NBEA: variants seen among roughly 807,000 people sequenced by gnomAD.
NBEA encodes the protein neurobeachin.
Under a neutral mutation model 343.4 loss-of-function variants are expected in NBEA, and 44 were observed. That is an observed-to-expected ratio of 0.13 (90% CI 0.10 to 0.16). NBEA has a LOEUF of 0.16. Among genes scored for constraint, NBEA ranks in the 10% least tolerant of loss-of-function variants. The pLI is 1.00. For synonymous variants in NBEA, 1,175 were observed against 1,238.7 expected (o/e 0.95, Z 1.08); for missense variants, 2,555 against 3,631.3 (o/e 0.70, Z 7.62).
At chr13:35,158,241 C>T (rs2069313395) in intron 21 of NBEA, among the ~76,000 whole-genome samples, 1 of 151,942 alleles carries the variant, frequency 6.6e-6, no homozygotes, top group African/African-American at 2.4e-5. Context: ...ATGGTCCCCC[C>T]AATCTAAAAT....
chr13:35,354,670 A>G lies in NBEA; in HGVS notation c.6179+2347A>G, dbSNP rs144638506. On this transcript the variant is annotated intron_variant, in intron 38 of 58. Transcript: ENST00000379939. Reference sequence around the variant, plus strand: ...GTCACTGAACTCTAAACCTTTAAGCATAGGTTTTGTTCTGTTTAATTCTCC... The same window carrying G: ...GTCACTGAACTCTAAACCTTTAAGCGTAGGTTTTGTTCTGTTTAATTCTCC... Among the ~76,000 whole-genome samples, 45 of 152,214 alleles carry G rather than the reference A, an allele frequency of 3.0e-4. No individual in the cohort carries two copies. The East Asian group carries it at 7.9e-3, about 27-fold the overall frequency.
intron 35 of NBEA, among the ~76,000 whole-genome samples, chr13:35,291,301 G>A (rs1025688475): frequency 6.6e-6 from 1 of 151,846 alleles, no homozygotes; most frequent in Non-Finnish European, 1.5e-5. Flanking sequence ...TTTGCCTAAA[G>A]CCACAGCTAA....
chr13:35,101,173 A>G (rs2065629240), intron 11 of NBEA, among the ~76,000 whole-genome samples: 1 of 152,012 alleles, frequency 6.6e-6, no homozygotes, highest in Non-Finnish European at 1.5e-5. Flanking sequence ...TTCATGTGCT[A>G]GGTTATATGT....
chr13:35,393,712 A>G (rs909089776), intron 38 of NBEA, among the ~76,000 whole-genome samples: 2 of 152,272 alleles, frequency 1.3e-5, no homozygotes, highest in South Asian at 4.1e-4. Context: ...CTAAAACACT[A>G]AGACAATTAG....
chr13:35,039,430 C>A (rs1301129104), intron 1 of NBEA, among the ~76,000 whole-genome samples: 1 of 152,094 alleles, frequency 6.6e-6, no homozygotes, highest in East Asian at 1.9e-4. Flanking sequence ...GTGGAGTTTT[C>A]TGTTCTGCCA....
intron 36 of NBEA, among the ~76,000 whole-genome samples, chr13:35,338,082 T>G (rs376558574): frequency 1.3e-5 from 2 of 151,760 alleles, no homozygotes; most frequent in South Asian, 4.1e-4. Context: ...AGCAAATTAT[T>G]TCCAAAACAG....
intron 36 of NBEA, among the ~76,000 whole-genome samples, chr13:35,323,480 C>T (rs1013091526): frequency 1.3e-5 from 2 of 149,732 alleles, no homozygotes; most frequent in African/African-American, 4.9e-5. Flanking sequence ...AAACCAAACA[C>T]CACATATTCT....
chr13:35,416,155 A>G (rs2043893831), intron 38 of NBEA, among the ~76,000 whole-genome samples: 1 of 152,180 alleles, frequency 6.6e-6, no homozygotes, highest in South Asian at 2.1e-4. Context: ...GGGGTTTTCT[A>G]AATATACAAT....
At position 35,670,993 on chromosome 13, in the gene NBEA, G is replaced by A. The variant is rs377063572; in HGVS notation, c.*2G>A. ...TATGAGCATCAGAACAGATACTGAA[G>A]ATAAAGGAAGAACCAAAAGCCAAGT... On this transcript the variant is annotated 3_prime_UTR_variant, in exon 59 of 59. Transcript: ENST00000379939. 7.0e-6 allele frequency: 11 copies of A among 1,562,736 alleles called. No individual in the cohort carries two copies. In the African/African-American group the frequency reaches 1.4e-4, roughly 19 times the overall value.
At chr13:35,417,719 T>C (rs1018682793) in intron 38 of NBEA, among the ~76,000 whole-genome samples, 20 of 152,300 alleles carry the variant, frequency 1.3e-4, no homozygotes, top group African/African-American at 4.6e-4. Context: ...TCTGTTGATG[T>C]GGGGTGGAGG....
chr13:35,212,407 G>T (rs2073833972), intron 33 of NBEA, among the ~76,000 whole-genome samples: 1 of 151,736 alleles, frequency 6.6e-6, no homozygotes, highest in Admixed American at 6.6e-5. Context: ...TCATTTTACT[G>T]ATGATGGGCA....
intron 28 of NBEA, among the ~76,000 whole-genome samples, chr13:35,179,548 T>G (rs1457920502): frequency 2.0e-5 from 3 of 149,898 alleles, no homozygotes; most frequent in Non-Finnish European, 4.5e-5. Context: ...AAATAAAAAA[T>G]AAAAAATAAA....
At chr13:35,483,042 T>C (rs2076179641) in intron 41 of NBEA, among the ~76,000 whole-genome samples, 2 of 151,914 alleles carry the variant, frequency 1.3e-5, no homozygotes, top group African/African-American at 4.8e-5. Flanking sequence ...AAGACAAGTT[T>C]TAATCAAAAA....
intron 36 of NBEA, among the ~76,000 whole-genome samples, chr13:35,318,959 A>G (rs1227845194): frequency 6.6e-6 from 1 of 151,752 alleles, no homozygotes; most frequent in Non-Finnish European, 1.5e-5. Context: ...CCTCTTTATC[A>G]TTTTTTACTG....
At chr13:35,012,521 G>A (rs2061520646) in intron 1 of NBEA, among the ~76,000 whole-genome samples, 1 of 152,094 alleles carries the variant, frequency 6.6e-6, no homozygotes, top group South Asian at 2.1e-4. Flanking sequence ...CTTTACATGT[G>A]GTAGAGTCTT....
intron 31 of NBEA, among the ~76,000 whole-genome samples, chr13:35,200,570 G>A (rs1402785711): frequency 6.6e-6 from 1 of 151,430 alleles, no homozygotes; most frequent in Non-Finnish European, 1.5e-5. Context: ...TAGTTGTGTT[G>A]CTTCTTTGGC....
chr13:35,075,846 C>T (rs1295462723), intron 10 of NBEA, among the ~76,000 whole-genome samples: 2 of 151,944 alleles, frequency 1.3e-5, no homozygotes, highest in Non-Finnish European at 1.5e-5. Flanking sequence ...AATATTTCAG[C>T]GTCTAACTGC....
At chr13:35,416,770 T>C (rs961836279) in intron 38 of NBEA, among the ~76,000 whole-genome samples, 1 of 152,182 alleles carries the variant, frequency 6.6e-6, no homozygotes, top group South Asian at 2.1e-4. Context: ...TTAGGGAGGA[T>C]TCCCTCTTTT....
chr13:35,347,113 G>T (rs530923549), intron 36 of NBEA, among the ~76,000 whole-genome samples: 18 of 152,116 alleles, frequency 1.2e-4, no homozygotes, highest in African/African-American at 3.6e-4. Flanking sequence ...CAATAAATTA[G>T]AAATATCAGA....
Sources: gnomAD v4.1 joint callset for allele counts (sites outside exome capture counted in the v4.1 genomes callset) on GRCh38, gnomAD v4.1.1 for gene constraint, MANE v1.5 for transcripts, NCBI Gene and HGNC (gene_info 2026-07-23, HGNC 2026-07-21) for gene names.